TUBB8: variants seen among roughly 807,000 people sequenced by gnomAD.
The protein encoded by TUBB8 is tubulin beta 8 class VIII.
TUBB8 carries 25 observed loss-of-function variants against 33.7 expected under a neutral mutation model. The ratio of observed to expected loss-of-function variants is 0.74; its 90% CI spans 0.54 to 1.04. The LOEUF (loss-of-function observed/expected upper bound fraction) is 1.04, where lower values mean the gene tolerates loss of function less well. TUBB8 is among the 50% of genes least tolerant of loss of function. The pLI, the probability that TUBB8 is intolerant of heterozygous loss-of-function variation, is 0.00. For synonymous variants in TUBB8, 245 were observed against 240.1 expected, an observed-to-expected ratio of 1.02 and a Z score of -0.19; for missense variants, 279 against 608.0, an observed-to-expected ratio of 0.46 and a Z score of 5.69.
At chr10:62,541 A>T (rs1319450306) in intron 1 of TUBB8, among the ~76,000 whole-genome samples, 1 of 152,234 alleles carries the variant, frequency 6.6e-6, no homozygotes, top group Non-Finnish European at 1.5e-5. Flanking sequence ...CATAATTACC[A>T]TCTTATAATA....
upstream of TUBB8, among the ~76,000 whole-genome samples, chr10:52,530 T>C (rs1456310033): frequency 1.3e-5 from 2 of 152,254 alleles, no homozygotes; most frequent in African/African-American, 4.8e-5. Context: ...CTTTTGTTAG[T>C]GTCTCTAACT....
chr10:56,561 C>T (rs1266172157), intron 1 of TUBB8, among the ~76,000 whole-genome samples: 2 of 152,332 alleles, frequency 1.3e-5, no homozygotes, highest in Non-Finnish European at 2.9e-5. Context: ...TTGCACATCA[C>T]GTGGTAAGTG....
In TUBB8 at chr10:47,414, C is replaced by T. The variant is rs1554738074; in HGVS notation, c.978G>A (p.Val326=). The T allele has an allele frequency of 1.2e-6, 2 of 1,612,414 alleles. No homozygotes were observed. Among genetic ancestry groups the T allele is most frequent in the Admixed American group, 3.3e-5 (2 of 60,022 alleles). ...CTTGAATGTTGAACATTTGTTCATC[C>T]ACCTCCCTCATGGGCATGCGACCCC... The part of the protein sequence containing the change: ...IFRGRMPMRE[V]DEQMFNIQDK... The change falls in exon 4 of 4, where the codon GTG becomes GTA. Residue 326 remains valine (V), a synonymous_variant. Transcript: ENST00000568584.
chr10:58,429 C>T (rs28858100), intron 1 of TUBB8, among the ~76,000 whole-genome samples: 9,731 of 108,784 alleles, frequency 0.089, no homozygotes, highest in African/African-American at 0.2. Context: ...TAAGCTTTTT[C>T]CCCATCACTA....
At chr10:68,701 C>T (rs1375605155) in intron 1 of TUBB8, among the ~76,000 whole-genome samples, 2 of 152,228 alleles carry the variant, frequency 1.3e-5, no homozygotes, top group African/African-American at 4.8e-5. Context: ...ACAGCAACTC[C>T]ACACAAAACA....
At chr10:70,621 G>T (rs1401275433) in intron 1 of TUBB8, among the ~76,000 whole-genome samples, 3 of 151,532 alleles carry the variant, frequency 2.0e-5, no homozygotes, top group East Asian at 2.0e-4. Flanking sequence ...GGGCGGATCA[G>T]CTGAGGTCAG....
chr10:58,816 AC>A (rs1834563907), intron 1 of TUBB8, among the ~76,000 whole-genome samples: 1 of 152,182 alleles, frequency 6.6e-6, no homozygotes, highest in Admixed American at 6.5e-5. Flanking sequence ...GCACATTCAA[AC>A]CCTATCAGAG....
chr10:47,798 C>T lies in TUBB8; in HGVS notation c.594G>A (p.Glu198=). The change falls in exon 4 of 4, where the codon GAG becomes GAA. Residue 198 remains glutamate, a synonymous_variant. Coordinates refer to ENST00000568584, the MANE Select transcript of TUBB8 (RefSeq NM_177987.3). ...GAGCTTCGTTATCTATGCAAAAGGT[C>T]TCATCTGCGTTTTCTATGAGCTGGT... is the stretch of plus-strand genomic sequence containing the variant. ...SVHQLIENAD[E]TFCIDNEALY... is the part of the protein sequence containing the mutation. The T allele has an allele frequency of 6.2e-7, 1 of 1,614,202 alleles. No individual in the cohort carries two copies. The highest frequency in any genetic ancestry group is 1.7e-5 in the Admixed American group (1 of 60,030).
chr10:48,804 C>T lies in TUBB8; in HGVS notation c.166G>A (p.Gly56Ser), dbSNP rs558117453. 1.3e-5 allele frequency: 21 copies of T among 1,611,592 alleles called. No homozygotes were observed. The South Asian group carries it at 2.2e-4, about 17-fold the overall frequency. The change falls in exon 2 of 4, where the codon GGT (glycine) becomes AGT (serine). Residue 56 changes from glycine to serine, a missense_variant and splice_region_variant. This residue lies in a region of TUBB8 where 56 missense variants were observed against 77.9 expected (regional missense o/e 0.72). Coordinates refer to ENST00000568584, the MANE Select transcript of TUBB8 (RefSeq NM_177987.3). ...RINVYYNEAS[G>S]GRYVPRAVLV... ...GGTGGGGGAAGGACGGGGGTCTCAC[C>T]GCTGGCCTCGTTGTAGTACACGTTG... is the stretch of plus-strand genomic sequence containing the variant.
In TUBB8 at chr10:46,921, C is replaced by T. The variant is rs552070018; in HGVS notation, c.*136G>A. 1.7e-4 allele frequency: 97 copies of T among 580,232 alleles called. No individual in the cohort carries two copies. Among genetic ancestry groups the T allele is most frequent in the Non-Finnish European group, 2.5e-4 (81 of 330,044 alleles). The allele number at this position is 580,232 out of a possible 1,614,324, so 35.9% of individuals were successfully genotyped here. A position where few individuals can be genotyped will look rare whatever the true frequency, so the allele number is the denominator to read the frequency against. ...GTGAGAATACTTTATTAGTCAAAAC[C>T]GCATACTATAAAAATGCTTTAAAAC... On this transcript the variant is annotated 3_prime_UTR_variant, in exon 4 of 4. Coordinates refer to ENST00000568584, the MANE Select transcript of TUBB8 (RefSeq NM_177987.3).
intron 1 of TUBB8, among the ~76,000 whole-genome samples, chr10:61,788 C>T (rs1212846234): frequency 6.6e-6 from 1 of 152,174 alleles, no homozygotes; most frequent in Non-Finnish European, 1.5e-5. Flanking sequence ...GTGTTGGGTG[C>T]ATATATATTT....
chr10:60,603 T>C (rs1401458587), intron 1 of TUBB8, among the ~76,000 whole-genome samples: 2 of 152,022 alleles, frequency 1.3e-5, no homozygotes, highest in African/African-American at 2.4e-5. Context: ...TGTGGAGAAA[T>C]AGGAACACTT....
At chr10:64,059 A>G (rs1554741249) in intron 1 of TUBB8, among the ~76,000 whole-genome samples, 2 of 152,158 alleles carry the variant, frequency 1.3e-5, no homozygotes, top group South Asian at 2.1e-4. Flanking sequence ...TTTTTCAAGT[A>G]GAGATCTTGT....
chr10:48,880 G>C lies in TUBB8; in HGVS notation c.90C>G (p.Ile30Met). 2 of 1,566,420 alleles carry C rather than the reference G, an allele frequency of 1.3e-6. No individual in the cohort carries two copies. The highest frequency in any genetic ancestry group is 1.7e-6 in the Non-Finnish European group (2 of 1,157,678). ...FWEVISDEHA[I>M]DSAGTYHGDS... Reference sequence around the variant, plus strand: ...CCCCGTGGTAGGTGCCAGCGGAGTCGATGGCATGTTCATCAGAGATCACCT... The same window carrying C: ...CCCCGTGGTAGGTGCCAGCGGAGTCCATGGCATGTTCATCAGAGATCACCT... The change falls in exon 2 of 4, where the codon ATC (isoleucine) becomes ATG (methionine). Residue 30 changes from isoleucine to methionine, a missense_variant. Physicochemically the swap from Ile to Met is conservative, Grantham distance 10 (BLOSUM62 1). This residue lies in a region of TUBB8 where 56 missense variants were observed against 77.9 expected (regional missense o/e 0.72). Transcript: ENST00000568584.
At position 47,029 on chromosome 10, in the gene TUBB8, T is replaced by TC. The variant is rs754551324; in HGVS notation, c.*27dup. 301 of 735,284 alleles carry TC rather than the reference T, an allele frequency of 4.1e-4. No homozygotes were observed. Among genetic ancestry groups the TC allele is most frequent in the Non-Finnish European group, 5.7e-4 (250 of 435,080 alleles). The allele number at this position is 735,284 out of a possible 1,614,324, so 45.5% of individuals were successfully genotyped here. ...AACACAGTAAAGAATCCACACTGCT[T>TC]CCCCCCTTTACCTAGAAAAGGAGAG... On this transcript the variant is annotated 3_prime_UTR_variant, in exon 4 of 4. Transcript: ENST00000568584.
chr10:58,846 A>T (rs1834564315), intron 1 of TUBB8, among the ~76,000 whole-genome samples: 4 of 152,228 alleles, frequency 2.6e-5, no homozygotes, highest in Admixed American at 2.6e-4. Flanking sequence ...ATGTTTTTCC[A>T]AATATAAGAT....
At chr10:64,906 G>C (rs1190954261) in intron 1 of TUBB8, among the ~76,000 whole-genome samples, 1 of 149,930 alleles carries the variant, frequency 6.7e-6, no homozygotes, top group Non-Finnish European at 1.5e-5. Context: ...GGAGGCAGAA[G>C]TGAGTGGATC....
At chr10:56,983 G>A (rs1834539399) in intron 1 of TUBB8, among the ~76,000 whole-genome samples, 1 of 152,048 alleles carries the variant, frequency 6.6e-6, no homozygotes, top group Non-Finnish European at 1.5e-5. Context: ...GATAAAAATG[G>A]GGCATAGGCA....
At chr10:56,507 A>G (rs1364548496) in intron 1 of TUBB8, among the ~76,000 whole-genome samples, 1 of 152,258 alleles carries the variant, frequency 6.6e-6, no homozygotes, top group Non-Finnish European at 1.5e-5. Flanking sequence ...CTTCTGGTGA[A>G]GCCTCTGACA....
Sources: allele counts gnomAD v4.1 joint callset (sites outside exome capture counted in the v4.1 genomes callset), GRCh38; gene constraint gnomAD v4.1.1; regional missense constraint gnomAD v4.1.1; transcripts MANE v1.5; gene names NCBI Gene and HGNC (gene_info 2026-07-23, HGNC 2026-07-21).